Variants in MAPK10 observed in about 807,000 individuals in gnomAD.
MAPK10 encodes the protein JNK3 alpha protein kinase.
In MAPK10, 25 loss-of-function variants were observed where a neutral mutation model predicts 59.3. That is an observed-to-expected ratio of 0.42 (90% CI 0.31 to 0.59). The LOEUF (loss-of-function observed/expected upper bound fraction) is 0.59. MAPK10 is among the 20% of genes least tolerant of loss of function. The probability of loss-of-function intolerance (pLI) is 0.15; values close to 1 mark genes in which losing one functional copy is unlikely to be tolerated. For missense variants in MAPK10, 351 were observed against 568.9 expected (o/e 0.62, Z 3.90); for synonymous variants, 190 against 200.5 (o/e 0.95, Z 0.44).
At chr4:86,486,386 G>A (rs1270255641) in intron 1 of MAPK10, among the ~76,000 whole-genome samples, 1 of 152,144 alleles carries the variant, frequency 6.6e-6, no homozygotes, top group East Asian at 1.9e-4. Context: ...AAGAAAAAGA[G>A]AAGCAATGCA....
intron 2 of MAPK10, among the ~76,000 whole-genome samples, chr4:86,317,219 C>A (rs77945788): frequency 6.6e-6 from 1 of 152,048 alleles, no homozygotes; most frequent in Non-Finnish European, 1.5e-5. Flanking sequence ...TGGGCTATTA[C>A]GCTTTTCCTT....
chr4:86,200,693 A>ATAT (rs112402909), intron 2 of MAPK10, among the ~76,000 whole-genome samples: 48,948 of 151,538 alleles, frequency 0.32, 10,888 homozygotes, highest in African/African-American at 0.63. Context: ...TTGAGGAATA[A>ATAT]TATGTGTAAT....
At chr4:86,258,233 C>T (rs1465632376) in intron 2 of MAPK10, among the ~76,000 whole-genome samples, 2 of 152,094 alleles carry the variant, frequency 1.3e-5, no homozygotes, top group South Asian at 2.1e-4. Flanking sequence ...ACTTCATAGA[C>T]GAAAGTCATC....
chr4:86,166,000 A>G (rs7673423), intron 3 of MAPK10, among the ~76,000 whole-genome samples: 2,935 of 152,236 alleles, frequency 0.019, 106 homozygotes, highest in African/African-American at 0.067. Flanking sequence ...ACAGTAATCA[A>G]TAGTAGAGCT....
intron 1 of MAPK10, among the ~76,000 whole-genome samples, chr4:86,552,491 G>GGAAA (rs1759905153): frequency 1.8e-5 from 1 of 55,070 alleles, no homozygotes; most frequent in African/African-American, 5.6e-5. Flanking sequence ...GAGGGAGGGA[G>GGAAA]GGAGGGAAGG....
intron 9 of MAPK10, among the ~76,000 whole-genome samples, chr4:86,078,506 T>C (rs960545836): frequency 3.3e-5 from 5 of 152,038 alleles, no homozygotes; most frequent in Non-Finnish European, 7.4e-5. Context: ...GTAGTACCCA[T>C]GGAAAGTACT....
At position 86,187,982 on chromosome 4, in the gene MAPK10, G is replaced by A. The variant is rs934364400; in HGVS notation, c.66+6354C>T. Among the ~76,000 whole-genome samples the A allele has an allele frequency of 2.0e-5, 3 of 152,048 alleles. No individual in the cohort carries two copies. The South Asian group carries it at 6.2e-4, about 32-fold the overall frequency. Reference sequence around the variant, plus strand: ...TGTTCTCATTGTTCAGCTCCCACATGTGAGTGAGAACATGGGATGTTTGGC... The same window carrying A: ...TGTTCTCATTGTTCAGCTCCCACATATGAGTGAGAACATGGGATGTTTGGC... On this transcript the variant is annotated intron_variant, in intron 3 of 13. Coordinates refer to ENST00000641462, the MANE Select transcript of MAPK10 (RefSeq NM_138982.4).
rs187197077 is a variant in MAPK10, at chr4:86,270,501, G to A, written c.-6-76094C>T. On this transcript the variant is annotated intron_variant, in intron 2 of 13. Coordinates refer to ENST00000641462, the MANE Select transcript of MAPK10 (RefSeq NM_138982.4). ...AATCAAAATTTTAGTAAGGCAAAGC[G>A]CTATCATAGTCTAATGTAACTAGAA... Among the ~76,000 whole-genome samples the A allele has an allele frequency of 5.8e-3, 884 of 151,966 alleles. 8 individuals are homozygous for A. The highest frequency in any genetic ancestry group is 0.02 in the African/African-American group (831 of 41,466).
intron 2 of MAPK10, among the ~76,000 whole-genome samples, chr4:86,351,917 G>A (rs575425565): frequency 1.2e-4 from 19 of 152,252 alleles, no homozygotes; most frequent in African/African-American, 3.9e-4. Flanking sequence ...CACAAAAGAC[G>A]AAAATCAAAT....
upstream of MAPK10, among the ~76,000 whole-genome samples, chr4:86,456,173 G>A (rs1349051407): frequency 6.6e-6 from 1 of 152,110 alleles, no homozygotes; most frequent in African/African-American, 2.4e-5. Flanking sequence ...TAAGAGGAAA[G>A]TTCATAGCTC....
intron 1 of MAPK10, among the ~76,000 whole-genome samples, chr4:86,494,454 G>A (rs994336262): frequency 3.3e-5 from 5 of 152,160 alleles, no homozygotes; most frequent in Admixed American, 2.0e-4. Context: ...GAGCTGGAGG[G>A]GATATCTGTA....
chr4:86,101,319 G>A, intron 7 of MAPK10, 102 bp from the exon 8 acceptor site: 2 of 759,658 alleles, frequency 2.6e-6, no homozygotes, highest in Admixed American at 2.3e-5. Flanking sequence ...CACTGATGAG[G>A]TCCCCCTTGC....
intron 1 of MAPK10, among the ~76,000 whole-genome samples, chr4:86,590,082 G>A (rs1268679909): frequency 6.6e-6 from 1 of 151,292 alleles, no homozygotes; most frequent in East Asian, 1.9e-4. Flanking sequence ...CTAAGCAAGA[G>A]AATACTACAC....
chr4:86,464,916 C>T (rs1000866844), intron 1 of MAPK10, among the ~76,000 whole-genome samples: 4 of 152,150 alleles, frequency 2.6e-5, no homozygotes, highest in Non-Finnish European at 5.9e-5. Flanking sequence ...AATGGCTAAT[C>T]GCCTAGTTGC....
rs564192479 is a variant in MAPK10 at position 86,311,995 on chromosome 4, C to G, written c.-7+42535G>C. On this transcript the variant is annotated intron_variant, in intron 2 of 13. Transcript: ENST00000641462. ...TAAAAAACTATTATTTTGTATACATCCTTATCCTATCTGACCATGATTTCT... is the reference window on the plus strand; with the variant it reads ...TAAAAAACTATTATTTTGTATACATGCTTATCCTATCTGACCATGATTTCT... Among the ~76,000 whole-genome samples the G allele has an allele frequency of 5.3e-5, 8 of 152,082 alleles. No homozygotes were observed. The South Asian group carries it at 1.7e-3, about 32-fold the overall frequency.
At chr4:86,301,018 T>C (rs1339407294) in intron 2 of MAPK10, among the ~76,000 whole-genome samples, 6 of 152,104 alleles carry the variant, frequency 3.9e-5, no homozygotes, top group African/African-American at 1.2e-4. Context: ...AAGAGCTTAA[T>C]TTCCTAACCA....
chr4:86,292,548 C>A (rs942263731), intron 2 of MAPK10, among the ~76,000 whole-genome samples: 1 of 152,072 alleles, frequency 6.6e-6, no homozygotes, highest in African/African-American at 2.4e-5. Flanking sequence ...AAGACCCTGT[C>A]TCTACAAAAA....
intron 4 of MAPK10, among the ~76,000 whole-genome samples, chr4:86,133,325 T>G (rs1342257102): frequency 6.6e-6 from 1 of 152,258 alleles, no homozygotes. Context: ...TTTTTAGATT[T>G]TATGATTCTG....
chr4:86,310,378 G>C (rs1159706819), intron 2 of MAPK10, among the ~76,000 whole-genome samples: 1 of 152,102 alleles, frequency 6.6e-6, no homozygotes, highest in Non-Finnish European at 1.5e-5. Context: ...ACATATGTTA[G>C]TAACATCATT....
Sources: allele counts gnomAD v4.1 joint callset (sites outside exome capture counted in the v4.1 genomes callset), GRCh38; gene constraint gnomAD v4.1.1; transcripts MANE v1.5; gene names NCBI Gene and HGNC (gene_info 2026-07-23, HGNC 2026-07-21).